PHF20: variants seen among roughly 807,000 people sequenced by gnomAD.
PHF20 encodes glioma-expressed antigen 2.
PHF20 carries 23 observed loss-of-function variants against 113.5 expected under a neutral mutation model. The observed-to-expected ratio is 0.20, with a 90% confidence interval of 0.15 to 0.29. The LOEUF is 0.29. Among genes scored for constraint, PHF20 ranks in the 10% least tolerant of loss-of-function variants. The pLI is 1.00. For synonymous variants in PHF20, 434 were observed against 457.3 expected (o/e 0.95, Z 0.65); for missense variants, 943 against 1,219.6 (o/e 0.77, Z 3.38).
intron 10 of PHF20, among the ~76,000 whole-genome samples, chr20:35,912,043 T>C (rs1426543218): frequency 1.3e-5 from 2 of 149,084 alleles, no homozygotes; most frequent in Non-Finnish European, 3.0e-5. Context: ...TGCAATGACA[T>C]GATCTCGGCT....
intron 2 of PHF20, among the ~76,000 whole-genome samples, chr20:35,819,801 A>G (rs781426358): frequency 6.6e-5 from 10 of 152,118 alleles, no homozygotes; most frequent in Admixed American, 1.3e-4. Context: ...CGAGTCAAGT[A>G]TTTGGCTTTG....
intron 1 of PHF20, among the ~76,000 whole-genome samples, chr20:35,781,245 G>T (rs567736968): frequency 8.8e-4 from 134 of 151,930 alleles, no homozygotes; most frequent in Non-Finnish European, 1.8e-3. Flanking sequence ...TGGGGTTCAA[G>T]TGATTCTCAT....
intron 6 of PHF20, 59 bp downstream of exon 6, chr20:35,863,459 T>A: frequency 6.9e-7 from 1 of 1,458,764 alleles, no homozygotes. Flanking sequence ...CTGTGGCCCT[T>A]TGTGGTTCTT....
intron 9 of PHF20, among the ~76,000 whole-genome samples, chr20:35,882,853 C>T (rs902548141): frequency 6.6e-6 from 1 of 151,938 alleles, no homozygotes; most frequent in African/African-American, 2.4e-5. Flanking sequence ...ATGGCAAAAC[C>T]CTGTTTCTAC....
chr20:35,890,503 C>A (rs936891876), intron 9 of PHF20, among the ~76,000 whole-genome samples: 2 of 152,196 alleles, frequency 1.3e-5, no homozygotes, highest in African/African-American at 4.8e-5. Context: ...TTATGCATAA[C>A]TTTGATTGTT....
At chr20:35,922,688 C>T (rs537994624) in intron 13 of PHF20, among the ~76,000 whole-genome samples, 3 of 152,294 alleles carry the variant, frequency 2.0e-5, no homozygotes, top group East Asian at 3.9e-4. Context: ...TTATTTTAAT[C>T]GCTGTAGAGC....
At chr20:35,888,326 T>A (rs551264923) in intron 9 of PHF20, among the ~76,000 whole-genome samples, 4 of 152,228 alleles carry the variant, frequency 2.6e-5, no homozygotes, top group African/African-American at 7.2e-5. Flanking sequence ...CATTTTTCTC[T>A]GCACATACCA....
intron 2 of PHF20, among the ~76,000 whole-genome samples, chr20:35,805,031 A>G (rs918105721): frequency 1.2e-4 from 18 of 151,280 alleles, no homozygotes; most frequent in African/African-American, 4.4e-4. Context: ...CCTCCTGAGT[A>G]TGTGGGATTA....
At chr20:35,788,092 ATTTG>A (rs1962505159) in intron 1 of PHF20, among the ~76,000 whole-genome samples, 2 of 141,112 alleles carry the variant, frequency 1.4e-5, no homozygotes, top group Non-Finnish European at 3.1e-5. Context: ...ATTTTTATTT[ATTTG>A]TTTATTTATT....
chr20:35,777,888 A>G lies in PHF20; in HGVS notation c.-33+5809A>G, dbSNP rs2041207213. Among the ~76,000 whole-genome samples, 3 of 152,196 alleles carry G rather than the reference A, an allele frequency of 2.0e-5. No individual in the cohort carries two copies. In the South Asian group the frequency reaches 6.2e-4, roughly 31 times the overall value. The stretch of plus-strand genomic sequence containing the variant: ...GATAATGATAAGAAATCTGTATTTC[A>G]AATAACTTAACAAATGAATAAAACC... On this transcript the variant is annotated intron_variant, in intron 1 of 17. Transcript: ENST00000374012.
intron 4 of PHF20, 37 bp downstream of exon 4, chr20:35,847,471 C>G (rs2042644530): frequency 2.3e-6 from 3 of 1,303,202 alleles, no homozygotes; most frequent in South Asian, 1.2e-5. Flanking sequence ...TTACTCATGA[C>G]TTAGGTGGTG....
At chr20:35,796,619 C>T (rs1191758009) in intron 1 of PHF20, among the ~76,000 whole-genome samples, 1 of 152,184 alleles carries the variant, frequency 6.6e-6, no homozygotes, top group African/African-American at 2.4e-5. Context: ...TTAGGTATTT[C>T]TGCTTGTTAT....
At chr20:35,831,223 G>A (rs530125414) in intron 2 of PHF20, among the ~76,000 whole-genome samples, 2 of 149,508 alleles carry the variant, frequency 1.3e-5, no homozygotes, top group East Asian at 2.0e-4. Context: ...TCAGTAGTGC[G>A]ATCATGACTC....
chr20:35,850,296 G>GTTTTTTTT lies in PHF20; in HGVS notation c.340+2884_340+2891dup, dbSNP rs554100863. Reference sequence around the variant, plus strand: ...CTGGGGCTGCTTAGCTTCCCCCTCCGTTTTTTTTTTTTTTTTTTTTTTTTT... The same window carrying GTTTTTTTT: ...CTGGGGCTGCTTAGCTTCCCCCTCCGTTTTTTTTTTTTTTTTTTTTTTTTTTTTTTTTT... On this transcript the variant is annotated intron_variant, in intron 4 of 17. Transcript: ENST00000374012. Among the ~76,000 whole-genome samples the GTTTTTTTT allele has an allele frequency of 7.4e-4, 46 of 62,356 alleles. 11 individuals are homozygous for GTTTTTTTT. Among genetic ancestry groups the GTTTTTTTT allele is most frequent in the Non-Finnish European group, 8.2e-4 (25 of 30,370 alleles). 40.9% of individuals were successfully genotyped at this position (62,356 alleles called of 152,430 possible).
rs756633614 is a variant in PHF20 at position 35,914,207 on chromosome 20, C to T, written c.1825+10C>T. On this transcript the variant is annotated intron_variant, in intron 12 of 17. Transcript: ENST00000374012. ...AAAGTGAAAGCATTGGGTAAGGAGG[C>T]TCTTCTGTCCTGATCATTTGCTGAT... 7 of 1,611,560 alleles carry T rather than the reference C, an allele frequency of 4.3e-6. No individual in the cohort carries two copies. The East Asian group carries it at 1.6e-4, about 36-fold the overall frequency.
At chr20:35,875,157 G>A (rs745566097) in intron 9 of PHF20, among the ~76,000 whole-genome samples, 2 of 152,000 alleles carry the variant, frequency 1.3e-5, no homozygotes, top group Admixed American at 6.6e-5. Flanking sequence ...CAGCACTCTC[G>A]GATGCCTAGG....
rs56189104 is a variant in PHF20 at position 35,793,995 on chromosome 20, C to CAAAAAAAAAAAAAAA, written c.-32-7488_-32-7474dup. On this transcript the variant is annotated intron_variant, in intron 1 of 17. Transcript: ENST00000374012. The stretch of plus-strand genomic sequence containing the variant: ...GGGCGACAAGAGCGGGACTCTGTCT[C>CAAAAAAAAAAAAAAA]AAAAAAAAAAAAAAAAAAAAAAGGC... 5.1e-3 allele frequency among the ~76,000 whole-genome samples: 174 copies of CAAAAAAAAAAAAAAA among 33,830 alleles called. 14 individuals carry two copies. Among genetic ancestry groups the CAAAAAAAAAAAAAAA allele is most frequent in the East Asian group, 6.9e-3 (9 of 1,308 alleles). 22.2% of individuals were successfully genotyped at this position (33,830 alleles called of 152,430 possible).
At chr20:35,904,340 A>G (rs1276288144) in intron 10 of PHF20, among the ~76,000 whole-genome samples, 5 of 131,796 alleles carry the variant, frequency 3.8e-5, no homozygotes, top group Admixed American at 3.6e-4. Context: ...CCTGGAGTGC[A>G]GTGGCGTGAT....
chr20:35,922,864 C>G (rs1341822892), intron 13 of PHF20, among the ~76,000 whole-genome samples: 1 of 152,208 alleles, frequency 6.6e-6, no homozygotes, highest in Non-Finnish European at 1.5e-5. Flanking sequence ...ATCTGTAATA[C>G]TAGCACTTTG....
Sources: allele counts gnomAD v4.1 joint callset (sites outside exome capture counted in the v4.1 genomes callset), GRCh38; gene constraint gnomAD v4.1.1; transcripts MANE v1.5; gene names NCBI Gene and HGNC (gene_info 2026-07-23, HGNC 2026-07-21).